RNLS: variants seen among roughly 807,000 people sequenced by gnomAD.
RNLS encodes the protein renalase, FAD dependent amine oxidase, also known as renalase.
Under a neutral mutation model 39.8 loss-of-function variants are expected in RNLS, and 39 were observed. That is an observed-to-expected ratio of 0.98 (90% CI 0.76 to 1.28). The LOEUF is 1.28. Among genes scored for constraint, RNLS ranks in the 50% most tolerant of loss-of-function variants. The pLI, the probability that RNLS is intolerant of heterozygous loss-of-function variation, is 0.00. For synonymous variants in RNLS, 147 were observed against 150.7 expected (o/e 0.98, Z 0.18); for missense variants, 410 against 413.3 (o/e 0.99, Z 0.07).
chr10:88,172,352 T>G, the RNLS span, among the ~76,000 whole-genome samples: 5 of 152,228 alleles, frequency 3.3e-5, no homozygotes, highest in East Asian at 9.6e-4. Context: ...TTTTTTGTCT[T>G]TCTTGTAATA....
At chr10:88,230,786 C>T in the RNLS span, among the ~76,000 whole-genome samples, 1 of 152,214 alleles carries the variant, frequency 6.6e-6, no homozygotes, top group Admixed American at 6.5e-5. Flanking sequence ...TGTTCTAATA[C>T]TCATGGGATT....
chr10:88,329,929 A>T (rs1846963611), intron 5 of RNLS, among the ~76,000 whole-genome samples: 2 of 151,554 alleles, frequency 1.3e-5, no homozygotes, highest in South Asian at 4.2e-4. Context: ...TTCTTCCAAC[A>T]TATTCAACAT....
chr10:88,382,728 T>G (rs1851624161), intron 4 of RNLS, among the ~76,000 whole-genome samples: 2 of 152,068 alleles, frequency 1.3e-5, no homozygotes, highest in South Asian at 2.1e-4. Flanking sequence ...CCTTGCATCT[T>G]GATGAGTTGA....
chr10:88,447,500 A>T (rs577872589), intron 4 of RNLS, among the ~76,000 whole-genome samples: 1 of 152,218 alleles, frequency 6.6e-6, no homozygotes, highest in African/African-American at 2.4e-5. Flanking sequence ...TGCTCAACGA[A>T]ATAAAAGAGG....
At chr10:88,524,956 C>CACACACACACATATATATAT (rs768939981) in intron 4 of RNLS, among the ~76,000 whole-genome samples, 1 of 76,296 alleles carries the variant, frequency 1.3e-5, no homozygotes, top group African/African-American at 4.6e-5. Context: ...ATGGCACACA[C>CACACACACACATATATATAT]ATACATATAT....
At chr10:88,470,463 C>G (rs182943967) in intron 4 of RNLS, among the ~76,000 whole-genome samples, 4 of 152,134 alleles carry the variant, frequency 2.6e-5, no homozygotes, top group African/African-American at 9.7e-5. Context: ...CTATAATCAT[C>G]ACTTAGTGTA....
intron 5 of RNLS, among the ~76,000 whole-genome samples, chr10:88,344,247 T>A (rs1848164671): frequency 6.6e-6 from 1 of 152,186 alleles, no homozygotes; most frequent in African/African-American, 2.4e-5. Flanking sequence ...GCTGGGGGAT[T>A]TGACCTAAAG....
chr10:88,219,925 A>T, the RNLS span, among the ~76,000 whole-genome samples: 1 of 152,118 alleles, frequency 6.6e-6, no homozygotes, highest in African/African-American at 2.4e-5. Flanking sequence ...CTTCAGGGGA[A>T]TCTCCTCTGG....
chr10:88,488,720 A>G (rs1057058665), intron 4 of RNLS, among the ~76,000 whole-genome samples: 2 of 152,164 alleles, frequency 1.3e-5, no homozygotes, highest in African/African-American at 4.8e-5. Flanking sequence ...AAAGTGCCAG[A>G]AGCCAAATTT....
At position 88,460,379 on chromosome 10, in the gene RNLS, G is replaced by T. The variant is rs138817863; in HGVS notation, c.527-97654C>A. Among the ~76,000 whole-genome samples the T allele has an allele frequency of 3.9e-5, 6 of 152,142 alleles. No homozygotes were observed. The East Asian group carries it at 1.2e-3, about 29-fold the overall frequency. ...TGTAGTTCCTTCTGCCTGACTTTTCGCATAGCTGTCTCCTACTCATCCTTT... is the reference window on the plus strand; with the variant it reads ...TGTAGTTCCTTCTGCCTGACTTTTCTCATAGCTGTCTCCTACTCATCCTTT... On this transcript the variant is annotated intron_variant, in intron 4 of 6. Transcript: ENST00000331772.
At chr10:88,252,169 C>T in the RNLS span, among the ~76,000 whole-genome samples, 1 of 152,174 alleles carries the variant, frequency 6.6e-6, no homozygotes, top group Non-Finnish European at 1.5e-5. Context: ...GGACGCTTTT[C>T]CATCTCTCTT....
chr10:88,453,811 T>A (rs755218886), intron 4 of RNLS, among the ~76,000 whole-genome samples: 54 of 152,236 alleles, frequency 3.5e-4, no homozygotes, highest in Non-Finnish European at 2.2e-4. Flanking sequence ...TATTTAGTGC[T>A]TTCAAAATAT....
the RNLS span, among the ~76,000 whole-genome samples, chr10:88,177,758 T>C: frequency 6.6e-6 from 1 of 152,228 alleles, no homozygotes; most frequent in East Asian, 1.9e-4. Context: ...TTTCCTGTAG[T>C]GTTCTATAGT....
chr10:88,309,708 G>C (rs1845212063), intron 6 of RNLS, among the ~76,000 whole-genome samples: 1 of 152,070 alleles, frequency 6.6e-6, no homozygotes, highest in Non-Finnish European at 1.5e-5. Flanking sequence ...TTGAAGAAAG[G>C]AAAGAAAAAA....
intron 5 of RNLS, among the ~76,000 whole-genome samples, chr10:88,360,020 G>T (rs1849515151): frequency 6.6e-6 from 1 of 152,204 alleles, no homozygotes; most frequent in Non-Finnish European, 1.5e-5. Flanking sequence ...TTTACTGAAA[G>T]ATGTTACATC....
At chr10:88,325,055 C>T (rs375431620) in intron 5 of RNLS, among the ~76,000 whole-genome samples, 9 of 152,254 alleles carry the variant, frequency 5.9e-5, no homozygotes, top group African/African-American at 1.7e-4. Flanking sequence ...CTTCAATGGA[C>T]GCTTGAGTTG....
intron 4 of RNLS, among the ~76,000 whole-genome samples, chr10:88,413,539 C>T (rs1216019714): frequency 6.6e-6 from 1 of 152,194 alleles, no homozygotes; most frequent in Non-Finnish European, 1.5e-5. Context: ...GTCATCCCTG[C>T]TTTGTGTTTG....
intron 4 of RNLS, among the ~76,000 whole-genome samples, chr10:88,424,498 C>T (rs1406749624): frequency 6.6e-6 from 1 of 152,140 alleles, no homozygotes; most frequent in Non-Finnish European, 1.5e-5. Context: ...AAGCAGCATG[C>T]AAACTGAGCT....
intron 5 of RNLS, among the ~76,000 whole-genome samples, chr10:88,322,546 C>A (rs761715851): frequency 6.6e-5 from 10 of 152,294 alleles, no homozygotes; most frequent in East Asian, 5.8e-4. Flanking sequence ...GGTGCTCTCT[C>A]ATGTGCTGCC....
Sources: gnomAD v4.1 joint callset for allele counts (sites outside exome capture counted in the v4.1 genomes callset) on GRCh38, gnomAD v4.1.1 for gene constraint, MANE v1.5 for transcripts, NCBI Gene and HGNC (gene_info 2026-07-23, HGNC 2026-07-21) for gene names.